TOX3: variants seen among roughly 807,000 people sequenced by gnomAD.
TOX3 encodes the protein CAG trinucleotide repeat-containing gene F9 protein.
A neutral mutation model predicts 64.3 loss-of-function variants in TOX3; 22 were observed. The ratio of observed to expected loss-of-function variants is 0.34; its 90% CI spans 0.24 to 0.49. The LOEUF (loss-of-function observed/expected upper bound fraction) is 0.49, where lower values mean the gene tolerates loss of function less well. Among genes scored for constraint, TOX3 ranks in the 20% least tolerant of loss-of-function variants. The probability of loss-of-function intolerance (pLI) is 0.99; values close to 1 mark genes in which losing one functional copy is unlikely to be tolerated. For synonymous variants in TOX3, 291 were observed against 273.6 expected, an observed-to-expected ratio of 1.06 and a Z score of -0.63; for missense variants, 661 against 714.4, an observed-to-expected ratio of 0.93 and a Z score of 0.85.
chr16:52,450,569 G>A (rs1337567562), intron 3 of TOX3, 23 bp from the exon 4 acceptor site: 2 of 1,612,604 alleles, frequency 1.2e-6, no homozygotes, highest in South Asian at 1.1e-5. Context: ...CAACAAAGGG[G>A]GAAAATATTT....
intron 1 of TOX3, chr16:52,519,561 T>A (rs1265334273): frequency 2.0e-6 from 3 of 1,499,044 alleles, no homozygotes; most frequent in Admixed American, 2.2e-5. Context: ...TGGGGTTCAG[T>A]GAGAGAAATG....
intron 2 of TOX3, 72 bp from the exon 3 acceptor site, chr16:52,464,260 A>G (rs1267160164): frequency 7.3e-7 from 1 of 1,377,012 alleles, no homozygotes; most frequent in Non-Finnish European, 9.5e-7. Context: ...AGGGAAAGAG[A>G]AAGACATTGC....
intron 1 of TOX3, among the ~76,000 whole-genome samples, chr16:52,528,786 G>A (rs976494073): frequency 2.6e-5 from 4 of 152,184 alleles, no homozygotes; most frequent in Non-Finnish European, 4.4e-5. Context: ...ATTGCCATGA[G>A]ACACTTGAAA....
intron 6 of TOX3, among the ~76,000 whole-genome samples, chr16:52,440,231 C>A (rs141490274): frequency 6.6e-6 from 1 of 152,064 alleles, no homozygotes; most frequent in Middle Eastern, 3.2e-3. Flanking sequence ...AGTTCCAAGA[C>A]GAGGCTTCAA....
Position 52,439,515 on chromosome 16 carries a change from GCTGCTGCTGCAT to G in TOX3, c.1429_1440del (p.Met477_Gln480del). The G allele has an allele frequency of 1.4e-6, 2 of 1,413,058 alleles. No homozygotes were observed. Among genetic ancestry groups the G allele is most frequent in the Non-Finnish European group, 2.0e-6 (2 of 1,020,684 alleles). 87.5% of individuals were successfully genotyped at this position (1,413,058 alleles called of 1,614,324 possible). ...TGCTGCTGCATGTGGTGCTGGAAAT[GCTGCTGCTGCAT>G]CTGCTGCTGGATTTGCTGATGCATT... On this transcript the variant is annotated inframe_deletion, in exon 7 of 7. Coordinates refer to ENST00000219746, the MANE Select transcript of TOX3 (RefSeq NM_001080430.4).
At chr16:52,530,916 C>T (rs951368040) in intron 1 of TOX3, among the ~76,000 whole-genome samples, 2 of 152,178 alleles carry the variant, frequency 1.3e-5, no homozygotes, top group Non-Finnish European at 2.9e-5. Context: ...AAAATGCTGT[C>T]ACCTGCCATC....
Position 52,546,705 on chromosome 16 carries a change from G to T in TOX3, c.19C>A (p.Pro7Thr). MDVRFY[P>T]AAAGDPASLD... ...CTGGCAGGGTCCCCGGCCGCCGCGG[G>T]GTAGAACCTCACATCCATGCCGAAG... Residue 7 changes from proline (P) to threonine (T), a missense_variant, in exon 1 of 7, where the codon CCC becomes ACC. Pro to Thr is a conservative substitution (Grantham distance 38, BLOSUM62 -1). Around this residue, in one of 3 missense-constraint regions of TOX3, gnomAD observed 259 missense variants for 261.2 expected, o/e 0.99. Transcript: ENST00000219746. 1.9e-6 allele frequency: 3 copies of T among 1,539,026 alleles called. No homozygotes were observed. Among genetic ancestry groups the T allele is most frequent in the Non-Finnish European group, 2.6e-6 (3 of 1,146,652 alleles).
chr16:52,516,544 G>T (rs977053232), intron 1 of TOX3, among the ~76,000 whole-genome samples: 3 of 152,134 alleles, frequency 2.0e-5, no homozygotes, highest in Non-Finnish European at 4.4e-5. Flanking sequence ...TCAAACTCCA[G>T]ATTTCTGACA....
intron 6 of TOX3, among the ~76,000 whole-genome samples, chr16:52,441,210 T>C (rs1421325889): frequency 6.6e-6 from 1 of 152,234 alleles, no homozygotes; most frequent in Non-Finnish European, 1.5e-5. Flanking sequence ...AAATGGCCAC[T>C]GGAATACTTG....
rs1190470930 is a variant in TOX3 at position 52,546,712 on chromosome 16, C to G, written c.12G>C (p.Arg4Ser). 248 of 1,529,656 alleles carry G rather than the reference C, an allele frequency of 1.6e-4. No homozygotes were observed. Among genetic ancestry groups the G allele is most frequent in the Non-Finnish European group, 2.1e-4 (243 of 1,142,690 alleles). The allele number at this position is 1,529,656 out of a possible 1,614,324, so 94.8% of individuals were successfully genotyped here. A position where few individuals can be genotyped will look rare whatever the true frequency, so the allele number is the denominator to read the frequency against. MDV[R>S]FYPAAAGDPA... Reference sequence around the variant, plus strand: ...GGTCCCCGGCCGCCGCGGGGTAGAACCTCACATCCATGCCGAAGCTGGGCC... The same window carrying G: ...GGTCCCCGGCCGCCGCGGGGTAGAAGCTCACATCCATGCCGAAGCTGGGCC... Residue 4 changes from arginine to serine, a missense_variant, in exon 1 of 7, where the codon AGG becomes AGC. This residue lies in a region of TOX3 where 259 missense variants were observed against 261.2 expected (regional missense o/e 0.99). Transcript: ENST00000219746.
chr16:52,546,952 G>C lies in TOX3; in HGVS notation c.-229C>G, dbSNP rs1434828966. 1 of 984,994 alleles carries C rather than the reference G, an allele frequency of 1.0e-6. No homozygotes were observed. The highest frequency in any genetic ancestry group is 1.2e-6 in the Non-Finnish European group (1 of 831,498). The allele number at this position is 984,994 out of a possible 1,614,324, so 61.0% of individuals were successfully genotyped here. Reference sequence around the variant, plus strand: ...GAGAGCGGGAGGCGGCCGGGGGGACGCGCCCCGCCGGGGCACCGAGGCAGC... The same window carrying C: ...GAGAGCGGGAGGCGGCCGGGGGGACCCGCCCCGCCGGGGCACCGAGGCAGC... On this transcript the variant is annotated 5_prime_UTR_variant, in exon 1 of 7. Coordinates refer to ENST00000219746, the MANE Select transcript of TOX3 (RefSeq NM_001080430.4).
intron 1 of TOX3, among the ~76,000 whole-genome samples, chr16:52,481,138 C>A (rs905009069): frequency 1.1e-4 from 16 of 152,190 alleles, no homozygotes; most frequent in African/African-American, 3.9e-4. Context: ...ATTACAGAAT[C>A]ATTGCTTCTA....
In TOX3 at chr16:52,439,486, C is replaced by T; in HGVS notation, c.1470G>A (p.Leu490=). ...QHFQHHMQQH[L]QQQQQHLQQQ... Reference sequence around the variant, plus strand: ...GCTGGAGATGCTGCTGCTGCTGCTGCAGGTGCTGCTGCATGTGGTGCTGGA... The same window carrying T: ...GCTGGAGATGCTGCTGCTGCTGCTGTAGGTGCTGCTGCATGTGGTGCTGGA... Residue 490 remains leucine, a synonymous_variant, in exon 7 of 7, where the codon CTG becomes CTA. Coordinates refer to ENST00000219746, the MANE Select transcript of TOX3 (RefSeq NM_001080430.4). 1.4e-6 allele frequency: 2 copies of T among 1,412,330 alleles called. No homozygotes were observed. The highest frequency in any genetic ancestry group is 2.0e-6 in the Non-Finnish European group (2 of 1,020,572). The allele number at this position is 1,412,330 out of a possible 1,614,324, so 87.5% of individuals were successfully genotyped here. A position where few individuals can be genotyped will look rare whatever the true frequency, so the allele number is the denominator to read the frequency against.
intron 1 of TOX3, among the ~76,000 whole-genome samples, chr16:52,529,879 C>G (rs544037044): frequency 1.3e-5 from 2 of 152,276 alleles, no homozygotes; most frequent in South Asian, 4.1e-4. Flanking sequence ...TACTCATAAT[C>G]CTCTCAATAC....
rs754980392 is a variant in TOX3, at chr16:52,437,770, T to A, written c.*1455A>T. ...AAAGCGATTACTTTTTTCTCTATAC[T>A]TACCTTGTACTTGCATCTTAAAAAA... On this transcript the variant is annotated 3_prime_UTR_variant, in exon 7 of 7. Coordinates refer to ENST00000219746, the MANE Select transcript of TOX3 (RefSeq NM_001080430.4). Among the ~76,000 whole-genome samples, 4 of 141,064 alleles carry A rather than the reference T, an allele frequency of 2.8e-5. No individual in the cohort carries two copies. The highest frequency in any genetic ancestry group is 1.5e-4 in the Admixed American group (2 of 13,274). The allele number at this position is 141,064 out of a possible 152,430, so 92.5% of individuals were successfully genotyped here.
intron 1 of TOX3, among the ~76,000 whole-genome samples, chr16:52,541,754 T>C (rs1963081539): frequency 6.6e-6 from 1 of 152,218 alleles, no homozygotes; most frequent in Non-Finnish European, 1.5e-5. Context: ...GCTAACTATA[T>C]GCTAGTCTCT....
At chr16:52,547,780 C>T (rs1963233026), upstream of TOX3, 1 of 152,182 alleles carries the variant, frequency 6.6e-6, no homozygotes, top group African/African-American at 2.4e-5. Flanking sequence ...TGAAGCTTCC[C>T]AGGTGAAGCC....
chr16:52,522,585 C>T (rs1315341612), intron 1 of TOX3, among the ~76,000 whole-genome samples: 1 of 152,172 alleles, frequency 6.6e-6, no homozygotes, highest in Non-Finnish European at 1.5e-5. Flanking sequence ...TGTCCTTCTG[C>T]AAACTCTAAG....
intron 1 of TOX3, among the ~76,000 whole-genome samples, chr16:52,528,784 G>A (rs1962783039): frequency 6.6e-6 from 1 of 152,188 alleles, no homozygotes; most frequent in South Asian, 2.1e-4. Flanking sequence ...GTATTGCCAT[G>A]AGACACTTGA....
Sources: gnomAD v4.1 joint callset for allele counts (sites outside exome capture counted in the v4.1 genomes callset) on GRCh38, gnomAD v4.1.1 for gene constraint, gnomAD v4.1.1 regional missense constraint, MANE v1.5 for transcripts, NCBI Gene and HGNC (gene_info 2026-07-23, HGNC 2026-07-21) for gene names.